Variants in CSMD1 observed in about 807,000 individuals in gnomAD.
CSMD1 encodes CUB and sushi domain-containing protein 1.
In CSMD1, 213 loss-of-function variants were observed where a neutral mutation model predicts 417.5. The observed-to-expected ratio is 0.51, with a 90% CI of 0.46 to 0.57. The LOEUF is 0.57. Ranked by LOEUF, CSMD1 falls within the 20% of genes least tolerant of loss-of-function variation. The pLI is 0.00. For synonymous variants in CSMD1, 2,862 were observed against 1,736.8 expected (o/e 1.65, Z -16.11); for missense variants, 6,923 against 4,529.7 (o/e 1.53, Z -15.17).
intron 5 of CSMD1, among the ~76,000 whole-genome samples, chr8:3,776,872 G>T (rs1484647385): frequency 6.7e-6 from 1 of 148,366 alleles, no homozygotes; most frequent in African/African-American, 2.6e-5. Flanking sequence ...AAAGATAGCT[G>T]ATAGATATAA....
At chr8:4,965,852 A>C (rs1809822650) in intron 1 of CSMD1, among the ~76,000 whole-genome samples, 1 of 152,170 alleles carries the variant, frequency 6.6e-6, no homozygotes, top group Admixed American at 6.5e-5. Context: ...ATTGGAGGAT[A>C]AACATGTTAA....
intron 25 of CSMD1, among the ~76,000 whole-genome samples, chr8:3,301,162 A>G (rs1381843442): frequency 6.6e-6 from 1 of 151,998 alleles, no homozygotes; most frequent in African/African-American, 2.4e-5. Flanking sequence ...CTATATAGAC[A>G]TTAGTTTTAT....
At chr8:4,949,217 T>A (rs11998098) in intron 1 of CSMD1, among the ~76,000 whole-genome samples, 80,704 of 151,946 alleles carry the variant, frequency 0.53, 21,517 homozygotes, top group Admixed American at 0.56. Flanking sequence ...TTGGTTTGTC[T>A]ATAATTTTTT....
intron 3 of CSMD1, among the ~76,000 whole-genome samples, chr8:4,307,780 G>C (rs543015065): frequency 7.2e-4 from 109 of 152,284 alleles, no homozygotes; most frequent in Non-Finnish European, 1.3e-3. Flanking sequence ...ATAAGGTCCA[G>C]AGTCAGTTTA....
chr8:4,051,742 G>A (rs1798434068), intron 3 of CSMD1, among the ~76,000 whole-genome samples: 1 of 152,162 alleles, frequency 6.6e-6, no homozygotes, highest in African/African-American at 2.4e-5. Context: ...GAAAGGCAAA[G>A]AAACACCACT....
chr8:3,262,442 T>G (rs1017855261), intron 26 of CSMD1, among the ~76,000 whole-genome samples: 1 of 150,940 alleles, frequency 6.6e-6, no homozygotes, highest in African/African-American at 2.4e-5. Context: ...TCTCTTGGAA[T>G]AATAATAAAT....
chr8:4,392,980 A>G (rs1585005236), intron 3 of CSMD1, among the ~76,000 whole-genome samples: 1 of 151,966 alleles, frequency 6.6e-6, no homozygotes, highest in African/African-American at 2.4e-5. Context: ...AAAATAAAAA[A>G]CAAACAAAAA....
intron 59 of CSMD1, among the ~76,000 whole-genome samples, chr8:2,963,799 G>C (rs996466596): frequency 6.6e-6 from 1 of 152,136 alleles, no homozygotes; most frequent in Admixed American, 6.5e-5. Context: ...CTGGCCATCT[G>C]TATTTTTTAT....
intron 1 of CSMD1, among the ~76,000 whole-genome samples, chr8:4,689,185 G>T (rs1806595506): frequency 6.6e-6 from 1 of 152,158 alleles, no homozygotes; most frequent in African/African-American, 2.4e-5. Flanking sequence ...AATTTCAATA[G>T]GTTTATTCTT....
intron 2 of CSMD1, among the ~76,000 whole-genome samples, chr8:4,504,617 C>T (rs528960124): frequency 4.6e-5 from 7 of 152,188 alleles, no homozygotes; most frequent in East Asian, 3.9e-4. Flanking sequence ...TTTGTCCTAA[C>T]GCTCTCCCTC....
intron 1 of CSMD1, among the ~76,000 whole-genome samples, chr8:4,792,342 A>C (rs1797737131): frequency 1.3e-5 from 2 of 152,244 alleles, no homozygotes; most frequent in African/African-American, 4.8e-5. Flanking sequence ...CAGTAGCAAG[A>C]AGGAATTTGC....
chr8:3,309,613 T>A (rs1175465097), intron 23 of CSMD1, among the ~76,000 whole-genome samples: 1 of 146,732 alleles, frequency 6.8e-6, no homozygotes, highest in African/African-American at 2.4e-5. Context: ...ATGCAAATTT[T>A]GACAATTGTA....
At chr8:4,724,957 C>A (rs139325152) in intron 1 of CSMD1, among the ~76,000 whole-genome samples, 1 of 151,846 alleles carries the variant, frequency 6.6e-6, no homozygotes, top group African/African-American at 2.4e-5. Flanking sequence ...ATAAATGATT[C>A]GAGTTTAAAA....
At chr8:3,467,948 G>C (rs557644177) in intron 12 of CSMD1, among the ~76,000 whole-genome samples, 1 of 152,174 alleles carries the variant, frequency 6.6e-6, no homozygotes, top group Non-Finnish European at 1.5e-5. Context: ...AGTTCCAACA[G>C]CTCCAGATAA....
At chr8:3,996,991 C>G (rs1815269958) in intron 5 of CSMD1, among the ~76,000 whole-genome samples, 1 of 152,204 alleles carries the variant, frequency 6.6e-6, no homozygotes, top group South Asian at 2.1e-4. Context: ...TGTTCACAAT[C>G]ACTCATTCCA....
chr8:3,447,473 C>G (rs78418464), intron 12 of CSMD1, among the ~76,000 whole-genome samples: 2 of 152,012 alleles, frequency 1.3e-5, no homozygotes, highest in East Asian at 3.9e-4. Context: ...AGGGTAAGAG[C>G]GATGCATATT....
At chr8:4,146,015 C>CA (rs574141538) in intron 3 of CSMD1, among the ~76,000 whole-genome samples, 2 of 150,454 alleles carry the variant, frequency 1.3e-5, no homozygotes, top group East Asian at 1.9e-4. Context: ...ACTAGGTATT[C>CA]AAAAAAAATC....
chr8:2,954,365 A>AT (rs1489554688), intron 64 of CSMD1, 97 bp from the exon 65 acceptor site: 2 of 683,134 alleles, frequency 2.9e-6, no homozygotes, highest in African/African-American at 1.8e-5. Flanking sequence ...CTTTCTCCAG[A>AT]TTTTTTTAAT....
chr8:3,197,953 T>C (rs1796792322), intron 33 of CSMD1, among the ~76,000 whole-genome samples: 1 of 152,158 alleles, frequency 6.6e-6, no homozygotes, highest in Non-Finnish European at 1.5e-5. Flanking sequence ...AACACACTAG[T>C]AGGAGCAAAG....
Sources: gnomAD v4.1 joint callset for allele counts (sites outside exome capture counted in the v4.1 genomes callset) on GRCh38, gnomAD v4.1.1 for gene constraint, MANE v1.5 for transcripts, NCBI Gene and HGNC (gene_info 2026-07-23, HGNC 2026-07-21) for gene names.